TMEM220: variants seen among roughly 807,000 people sequenced by gnomAD.
TMEM220 encodes the protein transmembrane protein 220.
TMEM220 carries 21 observed loss-of-function variants against 21.7 expected under a neutral mutation model. That is an observed-to-expected ratio of 0.97 (90% CI 0.69 to 1.39). TMEM220 has a LOEUF of 1.39. Ranked by LOEUF, TMEM220 falls within the 40% of genes most tolerant of loss-of-function variation. The probability of loss-of-function intolerance (pLI) is 0.00; values close to 1 mark genes in which losing one functional copy is unlikely to be tolerated. For missense variants in TMEM220, 191 were observed against 201.9 expected (o/e 0.95, Z 0.33); for synonymous variants, 80 against 73.6 (o/e 1.09, Z -0.45).
downstream of TMEM220, among the ~76,000 whole-genome samples, chr17:10,711,563 C>G (rs1420884264): frequency 1.3e-5 from 2 of 152,280 alleles, no homozygotes; most frequent in East Asian, 3.9e-4. Context: ...CTCAGAACAC[C>G]TATACTTGGA....
downstream of TMEM220, among the ~76,000 whole-genome samples, chr17:10,712,033 G>A (rs1035054125): frequency 7.9e-5 from 12 of 152,132 alleles, no homozygotes; most frequent in East Asian, 3.9e-4. Flanking sequence ...CAAACCTGGC[G>A]ACTTAAACCA....
chr17:10,721,613 AAAAAAAGAAAAAAAGAAAAAAAAG>A (rs1333533191), intron 5 of TMEM220, among the ~76,000 whole-genome samples: 18 of 133,358 alleles, frequency 1.3e-4, no homozygotes, highest in Non-Finnish European at 2.5e-4. Flanking sequence ...TCAAAAAAAA[AAAAAAAGAAAAAAAGAAAAAAAAG>A]AAAAAAAAAA....
chr17:10,723,218 A>G lies in TMEM220; in HGVS notation c.347+52T>C, dbSNP rs961421114. On this transcript the variant is annotated intron_variant, in intron 5 of 5. Transcript: ENST00000341871. ...ATGGTCTTGATCTCCTGACCTCGTGATCTGCCCGCCTCGGCCTCCCAAAGT... is the reference window on the plus strand; with the variant it reads ...ATGGTCTTGATCTCCTGACCTCGTGGTCTGCCCGCCTCGGCCTCCCAAAGT... 60 of 1,508,800 alleles carry G rather than the reference A, an allele frequency of 4.0e-5. 1 individual carries two copies. The Admixed American group carries it at 9.5e-4, about 24-fold the overall frequency. 93.5% of individuals were successfully genotyped at this position (1,508,800 alleles called of 1,614,324 possible). A position where few individuals can be genotyped will look rare whatever the true frequency, so the allele number is the denominator to read the frequency against.
intron 5 of TMEM220, among the ~76,000 whole-genome samples, chr17:10,720,065 T>C (rs1356377191): frequency 1.3e-5 from 2 of 152,222 alleles, no homozygotes; most frequent in Non-Finnish European, 2.9e-5. Flanking sequence ...TAACATACTC[T>C]GCTGGCAAGG....
chr17:10,711,652 C>T (rs532458517), downstream of TMEM220, among the ~76,000 whole-genome samples: 22 of 152,318 alleles, frequency 1.4e-4, no homozygotes, highest in South Asian at 1.9e-3. Flanking sequence ...GCACTCCCAT[C>T]CCTGTAAGAA....
downstream of TMEM220, among the ~76,000 whole-genome samples, chr17:10,712,985 T>TA (rs1466003350): frequency 6.6e-6 from 1 of 152,104 alleles, no homozygotes; most frequent in Non-Finnish European, 1.5e-5. Flanking sequence ...ATTTTAATAA[T>TA]AGAGGCTGGG....
intron 2 of TMEM220, among the ~76,000 whole-genome samples, chr17:10,726,752 C>T (rs528204996): frequency 1.3e-5 from 2 of 152,340 alleles, no homozygotes; most frequent in East Asian, 1.9e-4. Context: ...CATACACAAT[C>T]AGCTGTGCCC....
At position 10,729,122 on chromosome 17, in the gene TMEM220, TCATTTAAGCA is replaced by T; in HGVS notation, c.73-72_73-63del. The stretch of plus-strand genomic sequence containing the variant: ...CTGTGCTGTTCCATTCCTTTTAAAT[TCATTTAAGCA>T]CATTTTTTATTAATTTGTTAAGTGC... On this transcript the variant is annotated intron_variant, in intron 1 of 5. Coordinates refer to ENST00000341871, the MANE Select transcript of TMEM220 (RefSeq NM_001004313.3). 4.4e-6 allele frequency: 7 copies of T among 1,583,430 alleles called. No homozygotes were observed. In the South Asian group the frequency reaches 5.5e-5, roughly 13 times the overall value.
chr17:10,723,752 C>T (rs1208478084), intron 4 of TMEM220, among the ~76,000 whole-genome samples: 2 of 138,820 alleles, frequency 1.4e-5, no homozygotes, highest in Non-Finnish European at 3.1e-5. Context: ...TGAGCCCAAA[C>T]CAATACATGA....
At chr17:10,719,180 T>A (rs2151473344) in intron 5 of TMEM220, among the ~76,000 whole-genome samples, 1 of 151,674 alleles carries the variant, frequency 6.6e-6, no homozygotes, top group Admixed American at 6.6e-5. Flanking sequence ...TAATAAGTGG[T>A]GTTGAGATAA....
intron 5 of TMEM220, among the ~76,000 whole-genome samples, chr17:10,718,715 C>A (rs1432932746): frequency 6.6e-6 from 1 of 152,140 alleles, no homozygotes; most frequent in African/African-American, 2.4e-5. Flanking sequence ...AAGTATATTT[C>A]CTAACTTCCA....
chr17:10,721,401 G>A (rs2074986431), intron 5 of TMEM220, among the ~76,000 whole-genome samples: 1 of 152,082 alleles, frequency 6.6e-6, no homozygotes, highest in East Asian at 1.9e-4. Flanking sequence ...TTGAGGTCAG[G>A]AGTTTGAGAC....
intron 2 of TMEM220, 127 bp from the exon 3 acceptor site, chr17:10,726,391 T>C (rs758049553): frequency 9.7e-5 from 74 of 762,944 alleles, no homozygotes; most frequent in Non-Finnish European, 1.5e-4. Context: ...TGCCTCTAAG[T>C]TTCAATGGTG....
rs2074872074 is a variant in TMEM220, at chr17:10,713,577, A to G, written c.*1876T>C. ...CTGTTTTTTTTTTGCATGTGACTTC[A>G]GTAGTTTATTAATACTAAAGGAGTT... is the stretch of plus-strand genomic sequence containing the variant. On this transcript the variant is annotated 3_prime_UTR_variant, in exon 6 of 6. Transcript: ENST00000341871. The G allele has an allele frequency of 1.3e-5, 2 of 152,052 alleles. 1 individual carries two copies. Among genetic ancestry groups the G allele is most frequent in the South Asian group, 4.1e-4 (2 of 4,824 alleles). The allele number at this position is 152,052 out of a possible 1,614,324, so 9.4% of individuals were successfully genotyped here. A position where few individuals can be genotyped will look rare whatever the true frequency, so the allele number is the denominator to read the frequency against.
At chr17:10,724,933 A>G in intron 4 of TMEM220, 78 bp downstream of exon 4, 1 of 1,582,440 alleles carries the variant, frequency 6.3e-7, no homozygotes, top group East Asian at 2.2e-5. Context: ...CATTGTGCAC[A>G]GATGAGGTGT....
chr17:10,712,354 T>A (rs567623696), downstream of TMEM220, among the ~76,000 whole-genome samples: 1 of 152,186 alleles, frequency 6.6e-6, no homozygotes, highest in Admixed American at 6.5e-5. Context: ...AACCAGATAA[T>A]CCAGGTAACC....
intron 5 of TMEM220, among the ~76,000 whole-genome samples, chr17:10,722,625 GC>G (rs1414961917): frequency 2.6e-5 from 4 of 152,112 alleles, no homozygotes; most frequent in Non-Finnish European, 4.4e-5. Context: ...CAGCTTTTAT[GC>G]CACTGTTGTC....
chr17:10,726,976 A>G (rs570819324), intron 2 of TMEM220, among the ~76,000 whole-genome samples: 1 of 152,314 alleles, frequency 6.6e-6, no homozygotes, highest in Admixed American at 6.5e-5. Context: ...GTCTAATCAC[A>G]TCAATTTCTG....
chr17:10,711,702 A>C (rs2074855090), downstream of TMEM220, among the ~76,000 whole-genome samples: 1 of 152,258 alleles, frequency 6.6e-6, no homozygotes, highest in Non-Finnish European at 1.5e-5. Context: ...TGGGATTCAT[A>C]GGACCAAGTG....
Sources: allele counts gnomAD v4.1 joint callset (sites outside exome capture counted in the v4.1 genomes callset), GRCh38; gene constraint gnomAD v4.1.1; transcripts MANE v1.5; gene names NCBI Gene and HGNC (gene_info 2026-07-23, HGNC 2026-07-21).